Variants in LRCH2 observed in about 807,000 individuals in gnomAD.
LRCH2 encodes the protein leucine-rich repeat and calponin homology domain-containing protein 2.
A neutral mutation model predicts 68.9 loss-of-function variants in LRCH2; 38 were observed. That is an observed-to-expected ratio of 0.55 (90% CI 0.43 to 0.72). LRCH2 has a LOEUF of 0.72. Among genes scored for constraint, LRCH2 ranks in the 30% least tolerant of loss-of-function variants. LRCH2 has a pLI of 0.00. For missense variants in LRCH2, 528 were observed against 572.9 expected, an observed-to-expected ratio of 0.92 and a Z score of 0.80; for synonymous variants, 191 against 208.1, an observed-to-expected ratio of 0.92 and a Z score of 0.71.
intron 11 of LRCH2, among the ~76,000 whole-genome samples, chrX:115,162,198 G>A (rs1457731779): frequency 9.0e-6 from 1 of 110,726 alleles, no homozygotes; most frequent in East Asian, 2.8e-4. Flanking sequence ...TGGGATTACA[G>A]GCATAAACCA....
At chrX:115,129,888 C>A (rs2072228382) in intron 15 of LRCH2, among the ~76,000 whole-genome samples, 1 of 111,216 alleles carries the variant, frequency 9.0e-6, no homozygotes, top group Non-Finnish European at 1.9e-5. Context: ...AAAGACAACA[C>A]ACACTCACAT....
At chrX:115,194,531 C>A (rs891368303) in intron 1 of LRCH2, among the ~76,000 whole-genome samples, 3 of 111,860 alleles carry the variant, frequency 2.7e-5, no homozygotes, top group African/African-American at 9.8e-5. Context: ...CAAAATCATG[C>A]CCAGTTTGTT....
chrX:115,160,193 G>A (rs1289076555), intron 11 of LRCH2, among the ~76,000 whole-genome samples: 1 of 110,475 alleles, frequency 9.1e-6, no homozygotes, highest in African/African-American at 3.3e-5. Context: ...GCGCATGCCT[G>A]TAGTCCCAGC....
intron 6 of LRCH2, among the ~76,000 whole-genome samples, chrX:115,166,641 G>A (rs1313692399): frequency 1.8e-5 from 2 of 110,913 alleles, no homozygotes; most frequent in Non-Finnish European, 3.8e-5. Flanking sequence ...CTTGATGGAA[G>A]ACCTGTTTTT....
intron 17 of LRCH2, 77 bp downstream of exon 17, chrX:115,123,868 T>C: frequency 1.6e-6 from 1 of 625,938 alleles, no homozygotes; most frequent in Non-Finnish European, 2.4e-6. Flanking sequence ...CTTAAGACTA[T>C]GGAATCAATC....
chrX:115,182,972 T>TA (rs781974167), intron 3 of LRCH2, among the ~76,000 whole-genome samples: 1 of 109,720 alleles, frequency 9.1e-6, no homozygotes, highest in East Asian at 2.8e-4. Context: ...AAAAAAATGA[T>TA]AGAAGCATGT....
intron 5 of LRCH2, among the ~76,000 whole-genome samples, chrX:115,172,861 T>A (rs1234222454): frequency 9.2e-6 from 1 of 109,287 alleles, no homozygotes; most frequent in Non-Finnish European, 1.9e-5. Flanking sequence ...ATTCCCCTTT[T>A]TTTAGTTTAC....
chrX:115,135,118 CTTTCT>C lies in LRCH2; in HGVS notation c.1696-4924_1696-4920del, dbSNP rs1322726727. On this transcript the variant is annotated intron_variant, in intron 14 of 20. Coordinates refer to ENST00000317135, the MANE Select transcript of LRCH2 (RefSeq NM_020871.4). ...TAGAGTTTTTATTTCCTTTTCTTTT[CTTTCT>C]TTTTTTTTTTTTTTTTTGAGACAGG... 4.5e-3 allele frequency among the ~76,000 whole-genome samples: 445 copies of C among 99,431 alleles called. 7 individuals carry two copies. Among genetic ancestry groups the C allele is most frequent in the African/African-American group, 0.016 (426 of 26,194 alleles). 86.3% of individuals were successfully genotyped at this position (99,431 alleles called of 115,157 possible).
At chrX:115,136,263 A>T (rs1002168950) in intron 14 of LRCH2, among the ~76,000 whole-genome samples, 1 of 111,411 alleles carries the variant, frequency 9.0e-6, no homozygotes, top group Admixed American at 9.6e-5. Context: ...TGATATCTGC[A>T]AGGGATTGGT....
chrX:115,127,846 A>T (rs1273459034), intron 15 of LRCH2, among the ~76,000 whole-genome samples: 1 of 111,526 alleles, frequency 9.0e-6, no homozygotes, highest in African/African-American at 3.3e-5. Flanking sequence ...GGGTAAGGTG[A>T]ATGGAGGGTA....
At chrX:115,129,655 A>T (rs371785268) in intron 15 of LRCH2, among the ~76,000 whole-genome samples, 2 of 111,560 alleles carry the variant, frequency 1.8e-5, no homozygotes, top group East Asian at 5.7e-4. Context: ...AAATACACAA[A>T]ACTTAAGTAT....
At chrX:115,226,068 G>T (rs2073117085) in intron 1 of LRCH2, among the ~76,000 whole-genome samples, 1 of 111,166 alleles carries the variant, frequency 9.0e-6, no homozygotes, top group Non-Finnish European at 1.9e-5. Context: ...ATACACAAGA[G>T]AAATCCTTGC....
intron 1 of LRCH2, among the ~76,000 whole-genome samples, chrX:115,217,759 G>A (rs1324045599): frequency 9.0e-6 from 1 of 111,451 alleles, no homozygotes; most frequent in Non-Finnish European, 1.9e-5. Context: ...TGGGATTGCT[G>A]GGTCAAATGG....
intron 1 of LRCH2, among the ~76,000 whole-genome samples, chrX:115,224,590 A>G (rs1451238043): frequency 9.2e-6 from 1 of 108,114 alleles, no homozygotes; most frequent in Non-Finnish European, 1.9e-5. Flanking sequence ...AGGCTGAGGT[A>G]GGAGGATCAC....
intron 14 of LRCH2, among the ~76,000 whole-genome samples, chrX:115,139,839 C>A (rs940661081): frequency 9.9e-5 from 11 of 111,465 alleles, no homozygotes; most frequent in African/African-American, 3.3e-4. Flanking sequence ...CTCATGCCAG[C>A]AGCTTGAACT....
chrX:115,182,980 T>C (rs899191575), intron 3 of LRCH2, among the ~76,000 whole-genome samples: 3 of 110,247 alleles, frequency 2.7e-5, no homozygotes, highest in African/African-American at 9.9e-5. Flanking sequence ...GATAGAAGCA[T>C]GTATTTTGGT....
chrX:115,234,066 C>G lies in LRCH2; in HGVS notation c.-25G>C, dbSNP rs1268419220. On this transcript the variant is annotated 5_prime_UTR_variant, in exon 1 of 21. Coordinates refer to ENST00000317135, the MANE Select transcript of LRCH2 (RefSeq NM_020871.4). The stretch of plus-strand genomic sequence containing the variant: ...TGTTCCTGGGAGAGAGAATAGCCCC[C>G]GACAATACTGTCAGCCTGTGCCGCG... The G allele has an allele frequency of 1.7e-6, 2 of 1,158,543 alleles. No individual in the cohort carries two copies. The highest frequency in any genetic ancestry group is 5.3e-5 in the Admixed American group (2 of 38,055).
At chrX:115,141,563 A>G (rs977492347) in intron 14 of LRCH2, among the ~76,000 whole-genome samples, 4 of 110,648 alleles carry the variant, frequency 3.6e-5, no homozygotes, top group Middle Eastern at 4.7e-3. Context: ...ATAGAATTGG[A>G]GGCAGGTTTC....
chrX:115,229,822 G>A (rs185763126), intron 1 of LRCH2, among the ~76,000 whole-genome samples: 8 of 111,815 alleles, frequency 7.2e-5, no homozygotes, highest in African/African-American at 2.6e-4. Context: ...CTGATACAAT[G>A]CACCATGCCC....
Sources: allele counts gnomAD v4.1 joint callset (sites outside exome capture counted in the v4.1 genomes callset), GRCh38; gene constraint gnomAD v4.1.1; transcripts MANE v1.5; gene names NCBI Gene and HGNC (gene_info 2026-07-23, HGNC 2026-07-21).